The following OPCML variants were observed in gnomAD, a reference collection of about 807,000 sequenced individuals.
OPCML encodes opioid-binding protein/cell adhesion molecule.
OPCML carries 13 observed loss-of-function variants against 37.8 expected under a neutral mutation model. That is an observed-to-expected ratio of 0.34 (90% confidence interval 0.22 to 0.55). OPCML has a LOEUF of 0.55. Among genes scored for constraint, OPCML ranks in the 20% least tolerant of loss-of-function variants. OPCML has a pLI of 0.91. For missense variants in OPCML, 341 were observed against 435.6 expected, an observed-to-expected ratio of 0.78 and a Z score of 1.93; for synonymous variants, 176 against 168.8, an observed-to-expected ratio of 1.04 and a Z score of -0.33.
intron 2 of OPCML, among the ~76,000 whole-genome samples, chr11:132,672,246 C>T (rs1328007589): frequency 6.6e-6 from 1 of 152,146 alleles, no homozygotes; most frequent in African/African-American, 2.4e-5. Context: ...CCTGGTTAAG[C>T]CCTCGGGGAT....
chr11:132,933,803 T>C (rs1250803836), intron 2 of OPCML, among the ~76,000 whole-genome samples: 3 of 152,154 alleles, frequency 2.0e-5, no homozygotes, highest in Admixed American at 2.0e-4. Flanking sequence ...TCTTTAGAGA[T>C]GGCAGAGAAA....
intron 1 of OPCML, among the ~76,000 whole-genome samples, chr11:133,416,211 A>C (rs1945760827): frequency 6.6e-6 from 1 of 151,990 alleles, no homozygotes; most frequent in South Asian, 2.1e-4. Context: ...TGATCTTCCC[A>C]CTTCTAGTCT....
intron 1 of OPCML, among the ~76,000 whole-genome samples, chr11:133,459,006 A>G (rs1946795914): frequency 6.6e-6 from 1 of 152,064 alleles, no homozygotes; most frequent in South Asian, 2.1e-4. Context: ...AAAAGCCAAA[A>G]GCAAAAAGAA....
chr11:133,513,621 C>G (rs1028324775), intron 1 of OPCML, among the ~76,000 whole-genome samples: 1 of 152,108 alleles, frequency 6.6e-6, no homozygotes, highest in African/African-American at 2.4e-5. Flanking sequence ...GTTTTGTTAA[C>G]GTGTTTACAG....
At chr11:133,499,859 CATAT>C (rs1165126457) in intron 1 of OPCML, among the ~76,000 whole-genome samples, 2 of 122,168 alleles carry the variant, frequency 1.6e-5, no homozygotes, top group African/African-American at 3.7e-5. Context: ...TATACATACA[CATAT>C]ATATATATAT....
chr11:132,574,915 T>C (rs1216249211), intron 3 of OPCML, among the ~76,000 whole-genome samples: 1 of 152,052 alleles, frequency 6.6e-6, no homozygotes, highest in African/African-American at 2.4e-5. Flanking sequence ...TGTCAAGGTG[T>C]GCTTTACTTA....
chr11:132,763,452 C>T (rs1946333437), intron 2 of OPCML, among the ~76,000 whole-genome samples: 1 of 152,056 alleles, frequency 6.6e-6, no homozygotes, highest in East Asian at 1.9e-4. Context: ...TAAGATTGCA[C>T]CCACATTTGC....
intron 1 of OPCML, among the ~76,000 whole-genome samples, chr11:133,452,629 T>C (rs1024629831): frequency 6.6e-6 from 1 of 151,468 alleles, no homozygotes. Flanking sequence ...CTGGGCAACA[T>C]AGTGAGACCC....
intron 1 of OPCML, among the ~76,000 whole-genome samples, chr11:133,408,898 A>G (rs1190168138): frequency 6.6e-6 from 1 of 152,216 alleles, no homozygotes; most frequent in African/African-American, 2.4e-5. Flanking sequence ...TAGACACTTT[A>G]GTTCAATCGT....
chr11:132,588,906 G>A (rs1051844031), intron 3 of OPCML, among the ~76,000 whole-genome samples: 4 of 152,158 alleles, frequency 2.6e-5, no homozygotes, highest in Non-Finnish European at 1.5e-5. Flanking sequence ...CTCAGATTCT[G>A]TTCCAAGCAA....
intron 4 of OPCML, among the ~76,000 whole-genome samples, chr11:132,466,898 A>G (rs1421436364): frequency 6.6e-6 from 1 of 152,200 alleles, no homozygotes; most frequent in Non-Finnish European, 1.5e-5. Flanking sequence ...ATAGAGATTT[A>G]TTATAATGCT....
intron 1 of OPCML, among the ~76,000 whole-genome samples, chr11:133,342,335 C>A (rs1269021935): frequency 6.6e-6 from 1 of 152,192 alleles, no homozygotes; most frequent in East Asian, 1.9e-4. Context: ...TCCATGAGCA[C>A]AGGAAACACC....
At chr11:132,478,490 C>G (rs931949991) in intron 4 of OPCML, among the ~76,000 whole-genome samples, 1 of 152,068 alleles carries the variant, frequency 6.6e-6, no homozygotes. Flanking sequence ...TAACATGAGC[C>G]CCCCAAAGAG....
chr11:133,138,552 T>C (rs11602118), intron 1 of OPCML, among the ~76,000 whole-genome samples: 22,168 of 152,120 alleles, frequency 0.15, 1,804 homozygotes, highest in East Asian at 0.2. Flanking sequence ...CACCTGAAAA[T>C]AGGACAATCT....
At chr11:132,916,737 C>T (rs1944618296) in intron 2 of OPCML, among the ~76,000 whole-genome samples, 2 of 152,066 alleles carry the variant, frequency 1.3e-5, no homozygotes, top group African/African-American at 2.4e-5. Flanking sequence ...CCATCTAAGA[C>T]TTTGTAGGGG....
chr11:132,691,432 T>C (rs1943398571), intron 2 of OPCML, among the ~76,000 whole-genome samples: 1 of 152,246 alleles, frequency 6.6e-6, no homozygotes, highest in African/African-American at 2.4e-5. Context: ...TTATTTGCAA[T>C]TGTGTCAACT....
intron 3 of OPCML, among the ~76,000 whole-genome samples, chr11:132,534,630 A>G (rs150417323): frequency 0.015 from 2,229 of 152,296 alleles, 24 homozygotes; most frequent in Non-Finnish European, 0.02. Flanking sequence ...TGGAAACGGA[A>G]GTGAGAGGCC....
chr11:133,187,436 T>C (rs1043916512), intron 1 of OPCML, among the ~76,000 whole-genome samples: 4 of 152,096 alleles, frequency 2.6e-5, no homozygotes, highest in African/African-American at 9.7e-5. Context: ...CACCAAAAGT[T>C]GTAGCTGTCA....
At chr11:132,491,924 ATTTTTTTTT>A (rs780995319) in intron 4 of OPCML, among the ~76,000 whole-genome samples, 1 of 133,266 alleles carries the variant, frequency 7.5e-6, no homozygotes, top group East Asian at 2.2e-4. Context: ...GACATACCTA[ATTTTTTTTT>A]TTTTTTTTTT....
Sources: gnomAD v4.1 joint callset for allele counts (sites outside exome capture counted in the v4.1 genomes callset) on GRCh38, gnomAD v4.1.1 for gene constraint, MANE v1.5 for transcripts, NCBI Gene and HGNC (gene_info 2026-07-23, HGNC 2026-07-21) for gene names.